Variants in EYS observed in about 807,000 individuals in gnomAD.
EYS encodes EGF-like photoreceptor maintenance factor, also known as protein eyes shut homolog.
In EYS, 250 loss-of-function variants were observed where a neutral mutation model predicts 282.1. The ratio of observed to expected loss-of-function variants is 0.89; its 90% CI spans 0.80 to 0.98. The LOEUF (loss-of-function observed/expected upper bound fraction) is 0.98. EYS is among the 50% of genes least tolerant of loss of function. The pLI is 0.00. For missense variants in EYS, 4,016 were observed against 3,709.0 expected (o/e 1.08, Z -2.15); for synonymous variants, 1,355 against 1,282.9 (o/e 1.06, Z -1.20).
At chr6:63,849,264 A>G (rs1772179933) in intron 36 of EYS, among the ~76,000 whole-genome samples, 1 of 152,168 alleles carries the variant, frequency 6.6e-6, no homozygotes, top group Non-Finnish European at 1.5e-5. Context: ...GCCCAGCTTC[A>G]GCATACTTAA....
chr6:65,183,105 C>G (rs376393429), intron 12 of EYS, among the ~76,000 whole-genome samples: 22 of 151,900 alleles, frequency 1.4e-4, no homozygotes, highest in African/African-American at 4.6e-4. Flanking sequence ...TTCTGTTCTT[C>G]TTTCATCTGC....
intron 19 of EYS, among the ~76,000 whole-genome samples, chr6:64,886,143 G>A (rs1405873629): frequency 6.6e-6 from 1 of 151,812 alleles, no homozygotes; most frequent in Non-Finnish European, 1.5e-5. Flanking sequence ...TTTGTATTTT[G>A]TAAATGCAAT....
At chr6:63,763,415 T>G (rs891889429) in intron 40 of EYS, among the ~76,000 whole-genome samples, 2 of 152,022 alleles carry the variant, frequency 1.3e-5, no homozygotes, top group African/African-American at 2.4e-5. Flanking sequence ...ATAACTTTTC[T>G]TAGTAGAAGT....
chr6:64,535,875 A>G (rs967325249), intron 26 of EYS, among the ~76,000 whole-genome samples: 3 of 152,150 alleles, frequency 2.0e-5, no homozygotes, highest in Non-Finnish European at 4.4e-5. Context: ...ACTTATTTAA[A>G]TGTCAATATT....
intron 31 of EYS, among the ~76,000 whole-genome samples, chr6:64,107,721 A>G (rs1176954246): frequency 6.6e-6 from 1 of 152,024 alleles, no homozygotes; most frequent in Non-Finnish European, 1.5e-5. Context: ...AGTATTCCTC[A>G]TATTTTTTTG....
chr6:64,411,532 G>A (rs897070749), intron 28 of EYS, among the ~76,000 whole-genome samples: 15 of 152,082 alleles, frequency 9.9e-5, no homozygotes, highest in Non-Finnish European at 1.8e-4. Context: ...ATTTATAAAA[G>A]TCACAAAGCA....
chr6:65,084,477 A>T (rs553785993), intron 12 of EYS, among the ~76,000 whole-genome samples: 1 of 152,282 alleles, frequency 6.6e-6, no homozygotes, highest in East Asian at 1.9e-4. Flanking sequence ...AAGAAAGTAA[A>T]ACCAGTAGTG....
chr6:64,672,664 A>G (rs1769506942), intron 22 of EYS, among the ~76,000 whole-genome samples: 1 of 152,182 alleles, frequency 6.6e-6, no homozygotes, highest in African/African-American at 2.4e-5. Flanking sequence ...GACCTTACGC[A>G]ACTAAACTAA....
At chr6:64,372,130 G>GTTTTTTTTTTTTTTTTTTTTTTTT (rs201498090) in intron 29 of EYS, among the ~76,000 whole-genome samples, 30 of 97,716 alleles carry the variant, frequency 3.1e-4, no homozygotes, top group African/African-American at 7.1e-4. Context: ...GTATACTTGT[G>GTTTTTTTTTTTTTTTTTTTTTTTT]TTTTTTTTTT....
chr6:63,751,196 A>G (rs1170513776), intron 41 of EYS, among the ~76,000 whole-genome samples: 2 of 152,176 alleles, frequency 1.3e-5, no homozygotes, highest in Admixed American at 6.6e-5. Flanking sequence ...ACAGGTCTTT[A>G]TCTGTACATA....
chr6:63,991,399 A>G (rs190958805), intron 34 of EYS, among the ~76,000 whole-genome samples: 1 of 151,902 alleles, frequency 6.6e-6, no homozygotes. Flanking sequence ...CTTTAAAAAG[A>G]GATCTATATG....
At chr6:64,861,393 C>G (rs563761290) in intron 19 of EYS, among the ~76,000 whole-genome samples, 19 of 152,332 alleles carry the variant, frequency 1.2e-4, no homozygotes, top group Middle Eastern at 6.8e-3. Flanking sequence ...CAGGAGCAGG[C>G]ACCTCTGAGC....
intron 26 of EYS, among the ~76,000 whole-genome samples, chr6:64,521,144 C>G (rs1397607929): frequency 6.6e-6 from 1 of 151,744 alleles, no homozygotes; most frequent in South Asian, 2.1e-4. Context: ...CAGCCTGTGA[C>G]TGACTTAAAG....
chr6:65,589,047 A>G (rs1435263734), intron 2 of EYS, among the ~76,000 whole-genome samples: 1 of 151,878 alleles, frequency 6.6e-6, no homozygotes, highest in South Asian at 2.1e-4. Flanking sequence ...TGATAAGTTT[A>G]TTTTCTCCTG....
At chr6:65,095,782 T>C (rs544090969) in intron 12 of EYS, among the ~76,000 whole-genome samples, 35 of 151,262 alleles carry the variant, frequency 2.3e-4, no homozygotes, top group African/African-American at 8.2e-4. Context: ...AAACTATGCA[T>C]AGACGGAATT....
At chr6:64,184,273 A>T (rs1482722533) in intron 31 of EYS, among the ~76,000 whole-genome samples, 1 of 152,164 alleles carries the variant, frequency 6.6e-6, no homozygotes. Context: ...TATGTTATGG[A>T]GACTTGATTA....
chr6:65,189,554 A>G (rs918861524), intron 12 of EYS, among the ~76,000 whole-genome samples: 1 of 151,846 alleles, frequency 6.6e-6, no homozygotes, highest in Admixed American at 6.6e-5. Context: ...AAGCAAAATC[A>G]GCATAAATAA....
At chr6:64,351,378 A>G (rs900880324) in intron 29 of EYS, among the ~76,000 whole-genome samples, 2 of 151,248 alleles carry the variant, frequency 1.3e-5, no homozygotes, top group Non-Finnish European at 3.0e-5. Context: ...AGATTCTAGA[A>G]TTTCTGTCTC....
At chr6:64,679,368 C>T (rs890666889) in intron 22 of EYS, among the ~76,000 whole-genome samples, 2 of 152,116 alleles carry the variant, frequency 1.3e-5, no homozygotes, top group Non-Finnish European at 2.9e-5. Context: ...CCATAATCTT[C>T]CTTGTGCTTT....
Sources: gnomAD v4.1 joint callset for allele counts (sites outside exome capture counted in the v4.1 genomes callset) on GRCh38, gnomAD v4.1.1 for gene constraint, MANE v1.5 for transcripts, NCBI Gene and HGNC (gene_info 2026-07-23, HGNC 2026-07-21) for gene names.